Variants in SBF2 observed in about 807,000 individuals in gnomAD.
SBF2 encodes the protein myotubularin-related protein 13.
In SBF2, 112 loss-of-function variants were observed where a neutral mutation model predicts 225.2. That is an observed-to-expected ratio of 0.50 (90% CI 0.43 to 0.58). SBF2 has a LOEUF of 0.58. Among genes scored for constraint, SBF2 ranks in the 20% least tolerant of loss-of-function variants. SBF2 has a pLI of 0.00. For synonymous variants in SBF2, 763 were observed against 773.3 expected, an observed-to-expected ratio of 0.99 and a Z score of 0.22; for missense variants, 1,996 against 2,206.2, an observed-to-expected ratio of 0.90 and a Z score of 1.91.
chr11:9,813,305 C>A (rs1028635353), intron 29 of SBF2, among the ~76,000 whole-genome samples: 1 of 152,064 alleles, frequency 6.6e-6, no homozygotes, highest in Non-Finnish European at 1.5e-5. Context: ...TTTCTTACTG[C>A]CCCAAGACTA....
At chr11:10,268,975 T>C (rs1024293286) in intron 1 of SBF2, among the ~76,000 whole-genome samples, 2 of 152,214 alleles carry the variant, frequency 1.3e-5, no homozygotes. Context: ...GTTTCCTCTG[T>C]TGTTTCTTAA....
At position 9,782,556 on chromosome 11, in the gene SBF2, T is replaced by C. The variant is rs1302673554; in HGVS notation, c.5320-918A>G. ...CAATTTGGCAATATCAACTAAAATT[T>C]AGAATGTTTATGCCTATTGAAACAT... is the stretch of plus-strand genomic sequence containing the variant. On this transcript the variant is annotated intron_variant, in intron 38 of 39. Coordinates refer to ENST00000256190, the MANE Select transcript of SBF2 (RefSeq NM_030962.4). Among the ~76,000 whole-genome samples, 5 of 152,194 alleles carry C rather than the reference T, an allele frequency of 3.3e-5. No homozygotes were observed. The East Asian group carries it at 5.8e-4, about 18-fold the overall frequency.
chr11:10,082,040 A>G (rs1951388525), intron 2 of SBF2, among the ~76,000 whole-genome samples: 1 of 152,134 alleles, frequency 6.6e-6, no homozygotes, highest in African/African-American at 2.4e-5. Flanking sequence ...CAGAAAAGAA[A>G]AAGGAGACAT....
intron 17 of SBF2, among the ~76,000 whole-genome samples, chr11:9,863,088 T>C (rs1262510001): frequency 7.2e-6 from 1 of 138,358 alleles, no homozygotes; most frequent in African/African-American, 3.0e-5. Flanking sequence ...CTTCTTTATC[T>C]AGAAAAAACA....
chr11:9,892,688 T>C (rs980294148), intron 17 of SBF2, among the ~76,000 whole-genome samples: 10 of 151,982 alleles, frequency 6.6e-5, no homozygotes, highest in African/African-American at 2.4e-4. Context: ...GCCTCTCAAG[T>C]AGCTGGGATT....
chr11:10,252,518 C>T (rs1479522176), intron 1 of SBF2, among the ~76,000 whole-genome samples: 32 of 152,172 alleles, frequency 2.1e-4, no homozygotes, highest in Admixed American at 2.0e-3. Context: ...ATAAGGCAAA[C>T]GCTGGCCGGG....
At chr11:9,813,476 C>T (rs1055798738) in intron 29 of SBF2, among the ~76,000 whole-genome samples, 5 of 152,022 alleles carry the variant, frequency 3.3e-5, no homozygotes, top group South Asian at 2.1e-4. Context: ...TACAGTCGTG[C>T]GCCACCATAC....
At chr11:9,930,870 C>A (rs576505495) in intron 16 of SBF2, among the ~76,000 whole-genome samples, 1 of 152,332 alleles carries the variant, frequency 6.6e-6, no homozygotes, top group African/African-American at 2.4e-5. Context: ...ACAGACTGCA[C>A]CTGGAAAAAC....
At chr11:9,880,350 T>C (rs1859657065) in intron 17 of SBF2, among the ~76,000 whole-genome samples, 1 of 152,196 alleles carries the variant, frequency 6.6e-6, no homozygotes, top group Non-Finnish European at 1.5e-5. Context: ...AATCTAAATT[T>C]CGCGCTTCTT....
chr11:9,861,452 T>C (rs1049747239), intron 17 of SBF2, among the ~76,000 whole-genome samples: 7 of 152,006 alleles, frequency 4.6e-5, no homozygotes, highest in East Asian at 3.9e-4. Flanking sequence ...TCACTGAAGG[T>C]TGGGAATTCA....
chr11:10,292,615 G>A (rs1025269690), intron 1 of SBF2, among the ~76,000 whole-genome samples: 1 of 149,590 alleles, frequency 6.7e-6, no homozygotes, highest in African/African-American at 2.5e-5. Context: ...GGAGACAGAG[G>A]TTGCAGTGAG....
intron 1 of SBF2, among the ~76,000 whole-genome samples, chr11:10,224,173 T>G (rs976537647): frequency 2.0e-5 from 3 of 152,148 alleles, no homozygotes; most frequent in Non-Finnish European, 4.4e-5. Flanking sequence ...GCAGTTTGTC[T>G]GCAAGTTTTT....
chr11:9,912,050 C>T (rs1162070038), intron 16 of SBF2, among the ~76,000 whole-genome samples: 3 of 152,172 alleles, frequency 2.0e-5, no homozygotes, highest in Non-Finnish European at 4.4e-5. Context: ...GGTGCGGTGG[C>T]TCACGCCTGT....
chr11:9,947,286 T>G (rs963689086), intron 16 of SBF2, among the ~76,000 whole-genome samples: 2 of 152,164 alleles, frequency 1.3e-5, no homozygotes, highest in Non-Finnish European at 2.9e-5. Context: ...AGCTCAGGCT[T>G]TAGATTCCTA....
At chr11:10,035,228 C>T (rs1949391046) in intron 3 of SBF2, among the ~76,000 whole-genome samples, 1 of 152,108 alleles carries the variant, frequency 6.6e-6, no homozygotes, top group Admixed American at 6.5e-5. Flanking sequence ...CCCACCTCGG[C>T]CTCCCAAAGT....
chr11:9,992,592 C>T (rs1485591354), intron 11 of SBF2, 49 bp from the exon 12 acceptor site: 5 of 1,562,734 alleles, frequency 3.2e-6, no homozygotes, highest in Non-Finnish European at 4.4e-6. Context: ...TGGTAACGGA[C>T]AAATGGTCAA....
chr11:10,280,995 A>T (rs1963372305), intron 1 of SBF2, among the ~76,000 whole-genome samples: 1 of 152,190 alleles, frequency 6.6e-6, no homozygotes, highest in South Asian at 2.1e-4. Flanking sequence ...GCCACACCTG[A>T]CACTAAGAAA....
chr11:10,237,584 G>T (rs991450736), intron 1 of SBF2, among the ~76,000 whole-genome samples: 3 of 152,070 alleles, frequency 2.0e-5, no homozygotes, highest in African/African-American at 7.2e-5. Flanking sequence ...TATTGAGCAG[G>T]ATTATTTTCT....
chr11:10,218,528 T>C (rs1432022851), intron 1 of SBF2, among the ~76,000 whole-genome samples: 1 of 152,076 alleles, frequency 6.6e-6, no homozygotes, highest in Non-Finnish European at 1.5e-5. Flanking sequence ...TTAACTCATT[T>C]CAGCATTAAC....
Sources: allele counts gnomAD v4.1 joint callset (sites outside exome capture counted in the v4.1 genomes callset), GRCh38; gene constraint gnomAD v4.1.1; transcripts MANE v1.5; gene names NCBI Gene and HGNC (gene_info 2026-07-23, HGNC 2026-07-21).